PTPN14: variants seen among roughly 807,000 people sequenced by gnomAD.
PTPN14 encodes protein tyrosine phosphatase non-receptor type 14, also known as tyrosine-protein phosphatase non-receptor type 14.
A neutral mutation model predicts 126.8 loss-of-function variants in PTPN14; 53 were observed. The observed-to-expected ratio is 0.42, with a 90% CI of 0.34 to 0.53. The LOEUF (loss-of-function observed/expected upper bound fraction) is 0.53. Ranked by LOEUF, PTPN14 falls within the 20% of genes least tolerant of loss-of-function variation. The pLI is 0.08. For missense variants in PTPN14, 1,257 were observed against 1,552.9 expected (o/e 0.81, Z 3.20); for synonymous variants, 630 against 599.3 (o/e 1.05, Z -0.75).
intron 1 of PTPN14, among the ~76,000 whole-genome samples, chr1:214,465,780 A>C (rs1202374232): frequency 6.6e-6 from 1 of 152,016 alleles, no homozygotes; most frequent in East Asian, 1.9e-4. Flanking sequence ...TAATGACTTA[A>C]GTGCCTCACT....
At chr1:214,418,334 C>T (rs937761165) in intron 3 of PTPN14, among the ~76,000 whole-genome samples, 2 of 152,228 alleles carry the variant, frequency 1.3e-5, no homozygotes, top group African/African-American at 4.8e-5. Context: ...GGGGGCCATA[C>T]ATCACTGCAG....
intron 12 of PTPN14, among the ~76,000 whole-genome samples, chr1:214,385,600 A>G (rs1265835183): frequency 6.6e-6 from 1 of 151,472 alleles, no homozygotes; most frequent in Non-Finnish European, 1.5e-5. Flanking sequence ...TTACACACAC[A>G]CACACCCCAA....
At chr1:214,386,333 A>G (rs1658608244) in intron 12 of PTPN14, among the ~76,000 whole-genome samples, 1 of 152,222 alleles carries the variant, frequency 6.6e-6, no homozygotes, top group Non-Finnish European at 1.5e-5. Context: ...TGGGAGAAAG[A>G]GAGGAATAAA....
At chr1:214,537,716 C>G (rs1239421821) in intron 1 of PTPN14, among the ~76,000 whole-genome samples, 1 of 152,216 alleles carries the variant, frequency 6.6e-6, no homozygotes, top group Admixed American at 6.5e-5. Flanking sequence ...CTGTCTCTAA[C>G]TACTTTTCCT....
chr1:214,524,369 G>C (rs1010643604), intron 1 of PTPN14, among the ~76,000 whole-genome samples: 3 of 152,060 alleles, frequency 2.0e-5, no homozygotes, highest in Admixed American at 6.6e-5. Flanking sequence ...AAAGTGAAGA[G>C]GGCTGGGCGT....
intron 1 of PTPN14, among the ~76,000 whole-genome samples, chr1:214,479,018 A>C (rs1417127393): frequency 6.9e-6 from 1 of 145,064 alleles, no homozygotes; most frequent in Non-Finnish European, 1.5e-5. Flanking sequence ...ATTTTGCTTA[A>C]AAAAAAAAAA....
chr1:214,366,690 A>G (rs1336488075), intron 17 of PTPN14, among the ~76,000 whole-genome samples: 2 of 152,188 alleles, frequency 1.3e-5, no homozygotes, highest in Non-Finnish European at 2.9e-5. Flanking sequence ...AAAGCATAAT[A>G]CATACATTTA....
In PTPN14 at chr1:214,370,089, G is replaced by A. The variant is rs535182108; in HGVS notation, c.3037-398C>T. Among the ~76,000 whole-genome samples the A allele has an allele frequency of 4.6e-5, 7 of 152,256 alleles. No homozygotes were observed. The East Asian group carries it at 1.4e-3, about 29-fold the overall frequency. The stretch of plus-strand genomic sequence containing the variant: ...AGGTCAGGAGATCGAGACCATCCTG[G>A]CTAACATGGTGAAACCCCATCTCTA... On this transcript the variant is annotated intron_variant, in intron 16 of 18. Coordinates refer to ENST00000366956, the MANE Select transcript of PTPN14 (RefSeq NM_005401.5).
intron 3 of PTPN14, among the ~76,000 whole-genome samples, chr1:214,415,696 CA>C (rs1659410670): frequency 6.6e-6 from 1 of 152,140 alleles, no homozygotes; most frequent in South Asian, 2.1e-4. Flanking sequence ...ATGTCACAGG[CA>C]TCATTACACA....
chr1:214,520,065 A>AATATAT (rs1553274995), intron 1 of PTPN14, among the ~76,000 whole-genome samples: 58 of 71,112 alleles, frequency 8.2e-4, no homozygotes, highest in African/African-American at 3.8e-3. Context: ...AAAAAAAAAA[A>AATATAT]ATATATATAT....
intron 1 of PTPN14, among the ~76,000 whole-genome samples, chr1:214,534,425 C>T (rs953869923): frequency 6.6e-6 from 1 of 152,054 alleles, no homozygotes; most frequent in Non-Finnish European, 1.5e-5. Context: ...TAATAAAAGA[C>T]GTTATTGGCC....
chr1:214,395,047 A>G, intron 8 of PTPN14, 61 bp from the exon 9 acceptor site: 10 of 1,364,962 alleles, frequency 7.3e-6, no homozygotes, highest in African/African-American at 1.4e-5. Context: ...ATGATACAGC[A>G]GAGGAGGGCT....
chr1:214,534,430 T>C lies in PTPN14; in HGVS notation c.-155+16753A>G, dbSNP rs566470851. Among the ~76,000 whole-genome samples, 140 of 152,266 alleles carry C rather than the reference T, an allele frequency of 9.2e-4. 1 individual carries two copies. Among genetic ancestry groups the C allele is most frequent in the African/African-American group, 3.3e-3 (136 of 41,546 alleles). ...AATCGTGGTATAATAAAAGACGTTATTGGCCGGGCGCGGTGGCTCAAGCCT... is the reference window on the plus strand; with the variant it reads ...AATCGTGGTATAATAAAAGACGTTACTGGCCGGGCGCGGTGGCTCAAGCCT... On this transcript the variant is annotated intron_variant, in intron 1 of 18. Coordinates refer to ENST00000366956, the MANE Select transcript of PTPN14 (RefSeq NM_005401.5).
intron 5 of PTPN14, among the ~76,000 whole-genome samples, chr1:214,406,155 C>A (rs1659165063): frequency 6.6e-6 from 1 of 152,180 alleles, no homozygotes; most frequent in Non-Finnish European, 1.5e-5. Context: ...AATACAGTAG[C>A]CTCTAGACAC....
chr1:214,543,638 GT>G (rs201361248), intron 1 of PTPN14, among the ~76,000 whole-genome samples: 112 of 144,716 alleles, frequency 7.7e-4, no homozygotes, highest in African/African-American at 7.0e-4. Flanking sequence ...TCTATAACAC[GT>G]TTTTTTTTTT....
intron 3 of PTPN14, among the ~76,000 whole-genome samples, chr1:214,450,133 A>AAAATAAAT (rs57585964): frequency 0.1 from 14,297 of 140,410 alleles, 881 homozygotes; most frequent in South Asian, 0.2. Flanking sequence ...ACTCTATCTC[A>AAAATAAAT]AAATAAATAA....
At chr1:214,520,882 T>C (rs1655238281) in intron 1 of PTPN14, among the ~76,000 whole-genome samples, 1 of 152,108 alleles carries the variant, frequency 6.6e-6, no homozygotes, top group Non-Finnish European at 1.5e-5. Context: ...TAAGCATTCT[T>C]TTCTACCCAC....
chr1:214,433,747 A>G (rs920035551), intron 3 of PTPN14, among the ~76,000 whole-genome samples: 11 of 152,100 alleles, frequency 7.2e-5, no homozygotes, highest in African/African-American at 2.7e-4. Context: ...CAAGAAATCA[A>G]GAATAAAATG....
chr1:214,371,306 T>A (rs1416008862), intron 16 of PTPN14, among the ~76,000 whole-genome samples: 1 of 152,212 alleles, frequency 6.6e-6, no homozygotes, highest in Admixed American at 6.5e-5. Context: ...ATAAGGTTTT[T>A]ACTTCCAGCC....
Sources: allele counts gnomAD v4.1 joint callset (sites outside exome capture counted in the v4.1 genomes callset), GRCh38; gene constraint gnomAD v4.1.1; transcripts MANE v1.5; gene names NCBI Gene and HGNC (gene_info 2026-07-23, HGNC 2026-07-21).